The following TNS4 variants were observed in gnomAD, a reference collection of about 807,000 sequenced individuals.
TNS4 encodes tensin 4.
In TNS4, 46 loss-of-function variants were observed where a neutral mutation model predicts 70.4. That is an observed-to-expected ratio of 0.65 (90% CI 0.52 to 0.84). TNS4 has a LOEUF of 0.84. Among genes scored for constraint, TNS4 ranks in the 40% least tolerant of loss-of-function variants. TNS4 has a pLI of 0.00. For synonymous variants in TNS4, 390 were observed against 366.6 expected, an observed-to-expected ratio of 1.06 and a Z score of -0.73; for missense variants, 863 against 907.0, an observed-to-expected ratio of 0.95 and a Z score of 0.62.
chr17:40,482,032 TA>T (rs911528279), intron 8 of TNS4, 96 bp downstream of exon 8: 58 of 1,387,688 alleles, frequency 4.2e-5, no homozygotes, highest in Non-Finnish European at 5.6e-5. Context: ...ACCGTGACAC[TA>T]AAATAATCCA....
intron 4 of TNS4, 123 bp from the exon 5 acceptor site, chr17:40,485,130 C>T (rs35260012): frequency 0.26 from 195,787 of 765,486 alleles, 26,952 homozygotes; most frequent in South Asian, 0.39. Flanking sequence ...CAACCACCAT[C>T]CCAGACCCTA....
At chr17:40,497,654 C>A (rs1238185337) in intron 1 of TNS4, among the ~76,000 whole-genome samples, 1 of 151,648 alleles carries the variant, frequency 6.6e-6, no homozygotes, top group Non-Finnish European at 1.5e-5. Flanking sequence ...ACCATTTGTG[C>A]AAAAGTCTGG....
At chr17:40,494,729 CAAAAAA>C (rs5820349) in intron 2 of TNS4, among the ~76,000 whole-genome samples, 9 of 106,160 alleles carry the variant, frequency 8.5e-5, no homozygotes, top group Admixed American at 1.9e-4. Flanking sequence ...GACTCCATTG[CAAAAAA>C]AAAAAAAAAA....
rs2036025875 is a variant in TNS4, at chr17:40,488,752, C to T, written c.657G>A (p.Glu219=). The change falls in exon 3 of 13, where the codon GAG becomes GAA. Residue 219 remains glutamate (E), a synonymous_variant. Transcript: ENST00000254051. ...AATTTGGGGGTCGAGGGGAGAGACC[C>T]TCTGAGGGGGGCAGAGGGCGCTGGT... ...RGHQRPLPPS[E]GLSPRPPNSP... is the part of the protein sequence containing the mutation. 6.2e-7 allele frequency: 1 copy of T among 1,603,668 alleles called. No individual in the cohort carries two copies. Among genetic ancestry groups the T allele is most frequent in the South Asian group, 1.1e-5 (1 of 90,800 alleles).
rs181978786 is a variant in TNS4, at chr17:40,477,948, T to C, written c.2007-219A>G. The stretch of plus-strand genomic sequence containing the variant: ...CTGAGTTCAAGCTCTGGGTTTCCTT[T>C]GTTTTGAGTGAGGGCTCCTTGAGGA... On this transcript the variant is annotated intron_variant, in intron 12 of 12. Transcript: ENST00000254051. The C allele has an allele frequency of 4.0e-4, 240 of 607,266 alleles. 1 individual carries two copies. In the East Asian group the frequency reaches 6.0e-3, roughly 15 times the overall value. The allele number at this position is 607,266 out of a possible 1,614,324, so 37.6% of individuals were successfully genotyped here.
In TNS4 at chr17:40,482,402, C is replaced by A. The variant is rs747130145; in HGVS notation, c.1516G>T (p.Asp506Tyr). 9 of 1,614,024 alleles carry A rather than the reference C, an allele frequency of 5.6e-6. No homozygotes were observed. Among genetic ancestry groups the A allele is most frequent in the Non-Finnish European group, 7.6e-6 (9 of 1,180,024 alleles). The change falls in exon 7 of 13, where the codon GAC becomes TAC. Residue 506 changes from aspartate (D) to tyrosine (Y), a missense_variant. Coordinates refer to ENST00000254051, the MANE Select transcript of TNS4 (RefSeq NM_032865.6). ...TCGATGAGGAAGTGTCGGATGAGGT[C>A]ATTGCTGTCCTCACCTGGACAGAGA... ...AQSRPGEDSN[D>Y]LIRHFLIESS...
chr17:40,482,000 G>T, intron 8 of TNS4, 129 bp downstream of exon 8: 4 of 1,039,596 alleles, frequency 3.8e-6, no homozygotes, highest in South Asian at 1.6e-5. Flanking sequence ...GATGTTGAGC[G>T]ACTCCAGTGC....
Position 40,488,819 on chromosome 17 carries a change from C to A in TNS4, c.590G>T (p.Ser197Ile), listed in dbSNP as rs773276766. The change falls in exon 3 of 13, where the codon AGC (serine) becomes ATC (isoleucine). Residue 197 changes from serine to isoleucine, a missense_variant. Coordinates refer to ENST00000254051, the MANE Select transcript of TNS4 (RefSeq NM_032865.6). ...CCCAGAGAAGATGAGGCTCTCACTG[C>A]TGCTTCGTGTCTCTCGGGGGACGTC... is the stretch of plus-strand genomic sequence containing the variant. ...SRDVPRETRSSSESLIFSGNQ... is the reference protein window; with the variant it reads ...SRDVPRETRSISESLIFSGNQ... 8.7e-6 allele frequency: 14 copies of A among 1,613,228 alleles called. No homozygotes were observed. The Admixed American group carries it at 1.5e-4, about 17-fold the overall frequency.
At position 40,477,531 on chromosome 17, in the gene TNS4, G is replaced by T. The variant is rs927024507; in HGVS notation, c.*57C>A. On this transcript the variant is annotated 3_prime_UTR_variant, in exon 13 of 13. Transcript: ENST00000254051. Reference sequence around the variant, plus strand: ...AGCCACACCCATTCAGGGGGTGGAGGGGGGCTCCTTAGCGAGCCCCTGGAG... The same window carrying T: ...AGCCACACCCATTCAGGGGGTGGAGTGGGGCTCCTTAGCGAGCCCCTGGAG... The T allele has an allele frequency of 2.4e-5, 38 of 1,599,322 alleles. No homozygotes were observed. Among genetic ancestry groups the T allele is most frequent in the Non-Finnish European group, 3.2e-5 (38 of 1,170,860 alleles).
intron 10 of TNS4, 33 bp from the exon 11 acceptor site, chr17:40,478,681 G>A (rs1445569233): frequency 8.1e-6 from 13 of 1,609,150 alleles, no homozygotes; most frequent in African/African-American, 1.3e-5. Flanking sequence ...GGGAAGCGAT[G>A]ACAGCCTGTC....
chr17:40,492,601 T>TG lies in TNS4; in HGVS notation c.439+3385_439+3386insC, dbSNP rs564942284. On this transcript the variant is annotated intron_variant, in intron 2 of 12. Transcript: ENST00000254051. Reference sequence around the variant, plus strand: ...CAGGCTGGTACATGGACTAGTTTTTTTTTTTTTTTTTTGTTTTAAGCCTGG... The same window carrying TG: ...CAGGCTGGTACATGGACTAGTTTTTTGTTTTTTTTTTTTGTTTTAAGCCTGG... 2.0e-3 allele frequency among the ~76,000 whole-genome samples: 277 copies of TG among 140,238 alleles called. 3 individuals carry two copies. The highest frequency in any genetic ancestry group is 6.8e-3 in the African/African-American group (267 of 39,228). The allele number at this position is 140,238 out of a possible 152,430, so 92.0% of individuals were successfully genotyped here.
chr17:40,495,964 G>A, intron 2 of TNS4, 23 bp downstream of exon 2: 2 of 1,588,428 alleles, frequency 1.3e-6, no homozygotes, highest in Non-Finnish European at 1.7e-6. Flanking sequence ...CCCCCCTCCT[G>A]GTACTGTGCC....
chr17:40,484,353 C>A (rs4890115), intron 6 of TNS4, 131 bp downstream of exon 6: 2 of 1,375,282 alleles, frequency 1.5e-6, no homozygotes, highest in Non-Finnish European at 9.8e-7. Context: ...CTGGGGTGGA[C>A]GCTTCTCCTA....
chr17:40,482,101 G>A (rs762253743), intron 8 of TNS4, 28 bp downstream of exon 8: 59 of 1,612,236 alleles, frequency 3.7e-5, no homozygotes, highest in Non-Finnish European at 4.8e-5. Context: ...CCCCACCTTG[G>A]CATTGCCTCT....
intron 1 of TNS4, among the ~76,000 whole-genome samples, chr17:40,499,075 C>T (rs1272547156): frequency 6.6e-6 from 1 of 152,100 alleles, no homozygotes; most frequent in Non-Finnish European, 1.5e-5. Context: ...AACTAAAAGG[C>T]AGAAATGAAA....
At chr17:40,498,073 G>T (rs1366749078) in intron 1 of TNS4, among the ~76,000 whole-genome samples, 3 of 152,178 alleles carry the variant, frequency 2.0e-5, no homozygotes, top group Non-Finnish European at 4.4e-5. Flanking sequence ...CCCATTGCCT[G>T]CTCTGAGCTT....
intron 4 of TNS4, 39 bp downstream of exon 4, chr17:40,486,997 C>T (rs1174983200): frequency 6.9e-6 from 11 of 1,599,492 alleles, no homozygotes; most frequent in Non-Finnish European, 9.4e-6. Flanking sequence ...GTCTATTCCC[C>T]AAATCTTACA....
chr17:40,486,188 G>C (rs1212762985), intron 4 of TNS4, among the ~76,000 whole-genome samples: 1 of 152,158 alleles, frequency 6.6e-6, no homozygotes, highest in Non-Finnish European at 1.5e-5. Flanking sequence ...TGTGATCTCA[G>C]ACTCCGGGAA....
chr17:40,500,717 C>T (rs932812577), intron 1 of TNS4, among the ~76,000 whole-genome samples: 4 of 152,196 alleles, frequency 2.6e-5, no homozygotes. Flanking sequence ...AAGCCTGAGT[C>T]TCCCCCAAAG....
Sources: allele counts gnomAD v4.1 joint callset (sites outside exome capture counted in the v4.1 genomes callset), GRCh38; gene constraint gnomAD v4.1.1; transcripts MANE v1.5; gene names NCBI Gene and HGNC (gene_info 2026-07-23, HGNC 2026-07-21).